Variants in NUP54 observed in about 807,000 individuals in gnomAD.
NUP54 encodes the protein nucleoporin 54, also known as nucleoporin p54.
NUP54 carries 27 observed loss-of-function variants against 66.4 expected under a neutral mutation model. The ratio of observed to expected loss-of-function variants is 0.41; its 90% confidence interval spans 0.30 to 0.56. The LOEUF is 0.56. NUP54 is among the 20% of genes least tolerant of loss of function. The pLI is 0.34. For synonymous variants in NUP54, 206 were observed against 210.7 expected (o/e 0.98, Z 0.19); for missense variants, 486 against 596.3 (o/e 0.82, Z 1.93).
At chr4:76,145,724 G>A (rs557936900) in intron 1 of NUP54, 17 of 300,284 alleles carry the variant, frequency 5.7e-5, no homozygotes, top group African/African-American at 2.8e-4. Flanking sequence ...CATTAGTGTC[G>A]AATTATATTG....
At chr4:76,117,497 CTG>C (rs1730001142) in intron 11 of NUP54, among the ~76,000 whole-genome samples, 165 bp downstream of exon 11, 1 of 152,158 alleles carries the variant, frequency 6.6e-6, no homozygotes, top group South Asian at 2.1e-4. Context: ...AAACACTACA[CTG>C]TTTTCCATAG....
At chr4:76,143,108 T>TA (rs574467250) in intron 3 of NUP54, among the ~76,000 whole-genome samples, 3 of 151,852 alleles carry the variant, frequency 2.0e-5, no homozygotes, top group Non-Finnish European at 4.4e-5. Context: ...TGTCTTCTGA[T>TA]AAAAAATAGG....
chr4:76,144,257 A>T lies in NUP54; in HGVS notation c.187T>A (p.Phe63Ile). 1.9e-6 allele frequency: 3 copies of T among 1,614,066 alleles called. No homozygotes were observed. Among genetic ancestry groups the T allele is most frequent in the Non-Finnish European group, 2.5e-6 (3 of 1,179,990 alleles). ...GTTGTTGTGCCAAAACCAGTACCAA[A>T]TCCAAAACCTTTGTTCTGAGTACCA... ...FGGTQNKGFGFGTGFGTTTGT... is the reference protein window; with the variant it reads ...FGGTQNKGFGIGTGFGTTTGT... The change falls in exon 3 of 12, where the codon TTT (phenylalanine) becomes ATT (isoleucine). Residue 63 changes from phenylalanine to isoleucine, a missense_variant. Physicochemically the swap from Phe to Ile is conservative, Grantham distance 21. Around this residue, in one of 4 missense-constraint regions of NUP54, gnomAD observed 145 missense variants for 137.1 expected, o/e 1.06. Transcript: ENST00000264883.
At position 76,125,622 on chromosome 4, in the gene NUP54, GA is replaced by G. The variant is rs1300689695; in HGVS notation, c.1057-867del. On this transcript the variant is annotated intron_variant, in intron 8 of 11. Coordinates refer to ENST00000264883, the MANE Select transcript of NUP54 (RefSeq NM_017426.4). ...TGCACTCCAGCATGGGCAAGAGGGA[GA>G]GGGAGAGGGGGAGAGGGGGAGAGGG... Among the ~76,000 whole-genome samples the G allele has an allele frequency of 9.8e-4, 75 of 76,850 alleles. 4 individuals are homozygous for G. The highest frequency in any genetic ancestry group is 3.1e-3 in the East Asian group (3 of 960). 50.4% of individuals were successfully genotyped at this position (76,850 alleles called of 152,430 possible). A position where few individuals can be genotyped will look rare whatever the true frequency, so the allele number is the denominator to read the frequency against.
intron 9 of NUP54, among the ~76,000 whole-genome samples, chr4:76,121,550 A>C (rs1378872408): frequency 2.4e-4 from 37 of 152,190 alleles, no homozygotes; most frequent in Admixed American, 2.4e-3. Context: ...CTAGAGCCTC[A>C]AACTCCTGGG....
intron 9 of NUP54, among the ~76,000 whole-genome samples, chr4:76,120,819 G>C (rs1339210289): frequency 6.6e-6 from 1 of 152,112 alleles, no homozygotes; most frequent in Non-Finnish European, 1.5e-5. Context: ...TTTTGCATTT[G>C]CTTTTTCTAT....
At chr4:76,139,224 T>A (rs1473120670) in intron 3 of NUP54, among the ~76,000 whole-genome samples, 4 of 152,132 alleles carry the variant, frequency 2.6e-5, no homozygotes, top group Non-Finnish European at 5.9e-5. Flanking sequence ...CATCAAGGAA[T>A]GAAACCATTA....
Position 76,125,770 on chromosome 4 carries a change from AGAGAGGGAGAGAGG to A in NUP54, c.1057-1028_1057-1015del, listed in dbSNP as rs1169290714. On this transcript the variant is annotated intron_variant, in intron 8 of 11. Coordinates refer to ENST00000264883, the MANE Select transcript of NUP54 (RefSeq NM_017426.4). ...GAGAGGGGGAGAGGGGGAGAGGGGGAGAGAGGGAGAGAGGGGGAGAGAGGGAGAGGGAGAGAGAG... is the reference window on the plus strand; with the variant it reads ...GAGAGGGGGAGAGGGGGAGAGGGGGAGGGAGAGAGGGAGAGGGAGAGAGAG... Among the ~76,000 whole-genome samples, 47 of 26,578 alleles carry A rather than the reference AGAGAGGGAGAGAGG, an allele frequency of 1.8e-3. 2 individuals are homozygous for A. Among genetic ancestry groups the A allele is most frequent in the African/African-American group, 7.5e-3 (42 of 5,586 alleles). The allele number at this position is 26,578 out of a possible 152,430, so 17.4% of individuals were successfully genotyped here. A position where few individuals can be genotyped will look rare whatever the true frequency, so the allele number is the denominator to read the frequency against.
chr4:76,132,464 G>T, intron 6 of NUP54, 59 bp downstream of exon 6: 1 of 1,292,990 alleles, frequency 7.7e-7, no homozygotes, highest in South Asian at 1.8e-5. Context: ...CTGAAATACG[G>T]GGAGTGTTTA....
chr4:76,116,733 A>G (rs961729810), intron 11 of NUP54, among the ~76,000 whole-genome samples: 6 of 152,194 alleles, frequency 3.9e-5, no homozygotes, highest in African/African-American at 1.4e-4. Flanking sequence ...AAATCATTCT[A>G]TGATCTTGAT....
At chr4:76,129,258 C>G (rs1022788209) in intron 8 of NUP54, among the ~76,000 whole-genome samples, 1 of 151,790 alleles carries the variant, frequency 6.6e-6, no homozygotes, top group African/African-American at 2.4e-5. Flanking sequence ...TAAAACTTAC[C>G]GAGGATTAAG....
intron 3 of NUP54, among the ~76,000 whole-genome samples, chr4:76,143,339 C>T (rs1272094388): frequency 3.3e-5 from 5 of 152,322 alleles, no homozygotes; most frequent in East Asian, 1.9e-4. Flanking sequence ...GGCGCGGTGG[C>T]GCACACCTGT....
At chr4:76,146,980 C>A (rs1172770359) in intron 1 of NUP54, among the ~76,000 whole-genome samples, 1 of 152,148 alleles carries the variant, frequency 6.6e-6, no homozygotes, top group Non-Finnish European at 1.5e-5. Flanking sequence ...TCCTAATCTG[C>A]TGAGTTGACC....
In NUP54 at chr4:76,115,240, C is replaced by T; in HGVS notation, c.*126G>A. On this transcript the variant is annotated 3_prime_UTR_variant, in exon 12 of 12. Transcript: ENST00000264883. Reference sequence around the variant, plus strand: ...TGAACAGTAATTTGTCAGTAAACTTCTCAAAAAACCAATCCAAGAAAGAAT... The same window carrying T: ...TGAACAGTAATTTGTCAGTAAACTTTTCAAAAAACCAATCCAAGAAAGAAT... 1.2e-6 allele frequency: 1 copy of T among 827,420 alleles called. No individual in the cohort carries two copies. Among genetic ancestry groups the T allele is most frequent in the Non-Finnish European group, 1.7e-6 (1 of 582,632 alleles). The allele number at this position is 827,420 out of a possible 1,614,324, so 51.3% of individuals were successfully genotyped here. A position where few individuals can be genotyped will look rare whatever the true frequency, so the allele number is the denominator to read the frequency against.
chr4:76,145,717 T>C (rs1417839568), intron 1 of NUP54: 1 of 336,390 alleles, frequency 3.0e-6, no homozygotes, highest in Non-Finnish European at 5.1e-6. Flanking sequence ...TTTGAACCAT[T>C]AGTGTCGAAT....
chr4:76,145,293 G>A (rs1349876440), intron 1 of NUP54, among the ~76,000 whole-genome samples: 5 of 146,292 alleles, frequency 3.4e-5, no homozygotes, highest in Non-Finnish European at 7.4e-5. Flanking sequence ...ACTCCAGCCC[G>A]GGCGACAGGG....
intron 1 of NUP54, chr4:76,148,057 A>C (rs1282490144): frequency 2.3e-6 from 1 of 425,776 alleles, no homozygotes. Flanking sequence ...GCGGGAAGCG[A>C]ACCGCTCAAG....
chr4:76,134,205 A>G lies in NUP54; in HGVS notation c.680T>C (p.Val227Ala). 3.1e-6 allele frequency: 5 copies of G among 1,613,320 alleles called. No homozygotes were observed. The highest frequency in any genetic ancestry group is 4.2e-6 in the Non-Finnish European group (5 of 1,179,412). Residue 227 changes from valine (V) to alanine (A), a missense_variant, in exon 5 of 12, where the codon GTA becomes GCA. Transcript: ENST00000264883. ...LGGNQTLTVNVEGTKTLPDDQ... is the reference protein window; with the variant it reads ...LGGNQTLTVNAEGTKTLPDDQ... ...ATCTGGCAATGTTTTAGTGCCCTCTACATTTACAGTAAGGGTCTGGTTTCC... is the reference window on the plus strand; with the variant it reads ...ATCTGGCAATGTTTTAGTGCCCTCTGCATTTACAGTAAGGGTCTGGTTTCC...
chr4:76,144,710 C>G (rs1212145129), intron 1 of NUP54, among the ~76,000 whole-genome samples: 1 of 151,842 alleles, frequency 6.6e-6, no homozygotes, highest in Non-Finnish European at 1.5e-5. Context: ...TAATATATAC[C>G]CTTCAATTAA....
Sources: gnomAD v4.1 joint callset for allele counts (sites outside exome capture counted in the v4.1 genomes callset) on GRCh38, gnomAD v4.1.1 for gene constraint, gnomAD v4.1.1 regional missense constraint, MANE v1.5 for transcripts, NCBI Gene and HGNC (gene_info 2026-07-23, HGNC 2026-07-21) for gene names.